Variants in CCSER1 observed in about 807,000 individuals in gnomAD.
CCSER1 encodes coiled-coil serine rich protein 1.
CCSER1 carries 41 observed loss-of-function variants against 82.0 expected under a neutral mutation model. The observed-to-expected ratio is 0.50, with a 90% confidence interval of 0.39 to 0.65. The LOEUF is 0.65. CCSER1 is among the 30% of genes least tolerant of loss of function. The probability of loss-of-function intolerance (pLI) is 0.00; values close to 1 mark genes in which losing one functional copy is unlikely to be tolerated. For missense variants in CCSER1, 1,119 were observed against 1,064.2 expected, an observed-to-expected ratio of 1.05 and a Z score of -0.72; for synonymous variants, 414 against 383.9, an observed-to-expected ratio of 1.08 and a Z score of -0.92.
chr4:90,998,155 A>G (rs1254851129), intron 9 of CCSER1, among the ~76,000 whole-genome samples: 1 of 151,934 alleles, frequency 6.6e-6, no homozygotes, highest in Non-Finnish European at 1.5e-5. Flanking sequence ...ATCTTGGCTC[A>G]CCGCAACCTC....
In CCSER1 at chr4:90,720,101, G is replaced by A. The variant is rs150248879; in HGVS notation, c.1933-3813G>A. The stretch of plus-strand genomic sequence containing the variant: ...ATTGTTCCAGCTTTGGCATTTGGGA[G>A]TTCTTTCGTGTTGAGTTCTTTGTTC... On this transcript the variant is annotated intron_variant, in intron 6 of 10. Coordinates refer to ENST00000509176, the MANE Select transcript of CCSER1 (RefSeq NM_001145065.2). Among the ~76,000 whole-genome samples, 980 of 152,178 alleles carry A rather than the reference G, an allele frequency of 6.4e-3. 13 individuals carry two copies. The highest frequency in any genetic ancestry group is 0.023 in the African/African-American group (940 of 41,516).
chr4:90,312,806 T>G, intron 2 of CCSER1, 57 bp from the exon 3 acceptor site: 1 of 1,312,576 alleles, frequency 7.6e-7, no homozygotes, highest in Non-Finnish European at 1.1e-6. Context: ...AGTGGGACAT[T>G]TGTAAAAACT....
At chr4:91,488,537 G>A (rs967102568) in intron 10 of CCSER1, among the ~76,000 whole-genome samples, 8 of 152,162 alleles carry the variant, frequency 5.3e-5, no homozygotes, top group Admixed American at 5.2e-4. Context: ...GATCATGAGA[G>A]CAGATTTCCC....
Position 91,165,388 on chromosome 4 carries a change from G to A in CCSER1, c.2217+79394G>A, listed in dbSNP as rs923327741. Among the ~76,000 whole-genome samples the A allele has an allele frequency of 2.6e-5, 4 of 152,044 alleles. No homozygotes were observed. In the East Asian group the frequency reaches 7.7e-4, roughly 29 times the overall value. ...GTTGGCCCCTACTGGGAAGTGTCAGGGACCCACTTGAGGAGTCAGTCTGTC... is the reference window on the plus strand; with the variant it reads ...GTTGGCCCCTACTGGGAAGTGTCAGAGACCCACTTGAGGAGTCAGTCTGTC... On this transcript the variant is annotated intron_variant, in intron 10 of 10. Transcript: ENST00000509176.
chr4:91,456,501 A>G (rs1756181825), intron 10 of CCSER1, among the ~76,000 whole-genome samples: 1 of 152,106 alleles, frequency 6.6e-6, no homozygotes, highest in African/African-American at 2.4e-5. Flanking sequence ...AATGCTTGTT[A>G]TGCACTTTCT....
chr4:90,487,665 G>T (rs1055140230), intron 5 of CCSER1, among the ~76,000 whole-genome samples: 2 of 152,148 alleles, frequency 1.3e-5, no homozygotes, highest in African/African-American at 4.8e-5. Flanking sequence ...TTGTTTGTTT[G>T]ACACGAAGTC....
intron 7 of CCSER1, among the ~76,000 whole-genome samples, chr4:90,778,828 T>C (rs906779197): frequency 2.0e-5 from 3 of 152,168 alleles, no homozygotes; most frequent in Non-Finnish European, 4.4e-5. Context: ...ATTGAATTAA[T>C]TTACTATGAT....
chr4:90,490,634 G>C (rs747381868), intron 5 of CCSER1, among the ~76,000 whole-genome samples: 3 of 151,950 alleles, frequency 2.0e-5, no homozygotes, highest in African/African-American at 2.4e-5. Context: ...AGGTTTTCTT[G>C]TAGGGATTTT....
chr4:91,361,392 T>C (rs1749231778), intron 10 of CCSER1, among the ~76,000 whole-genome samples: 1 of 151,814 alleles, frequency 6.6e-6, no homozygotes, highest in Admixed American at 6.6e-5. Context: ...TGGAAGCTTT[T>C]AAATTTAGTT....
chr4:91,088,441 G>A (rs1162411376), intron 10 of CCSER1, among the ~76,000 whole-genome samples: 2 of 152,002 alleles, frequency 1.3e-5, no homozygotes, highest in Non-Finnish European at 2.9e-5. Flanking sequence ...ATTAAAAAAC[G>A]AATTGCCAGA....
At chr4:90,384,248 G>A (rs1028059908) in intron 3 of CCSER1, among the ~76,000 whole-genome samples, 3 of 150,800 alleles carry the variant, frequency 2.0e-5, no homozygotes, top group South Asian at 4.2e-4. Context: ...CCATTAACTC[G>A]TCATTTACAT....
In CCSER1 at chr4:91,255,770, A is replaced by C. The variant is rs1581851701; in HGVS notation, c.2217+169776A>C. Reference sequence around the variant, plus strand: ...TGTGAAGATTTCATGGACATTTATCACTTCCCCAATCAATACTCTTATATT... The same window carrying C: ...TGTGAAGATTTCATGGACATTTATCCCTTCCCCAATCAATACTCTTATATT... On this transcript the variant is annotated intron_variant, in intron 10 of 10. Coordinates refer to ENST00000509176, the MANE Select transcript of CCSER1 (RefSeq NM_001145065.2). Among the ~76,000 whole-genome samples the C allele has an allele frequency of 2.0e-5, 3 of 152,294 alleles. No homozygotes were observed. The South Asian group carries it at 6.2e-4, about 32-fold the overall frequency.
chr4:91,438,721 G>GT (rs138445297), intron 10 of CCSER1, among the ~76,000 whole-genome samples: 4 of 48,288 alleles, frequency 8.3e-5, no homozygotes, highest in African/African-American at 4.3e-4. Flanking sequence ...AGACAAAGAA[G>GT]TAAAACTTTC....
chr4:91,138,127 A>C (rs1396053174), intron 10 of CCSER1, among the ~76,000 whole-genome samples: 1 of 31,742 alleles, frequency 3.2e-5, no homozygotes, highest in South Asian at 9.1e-4. Context: ...CGCATCGCCA[A>C]GTCAATCCTA....
At chr4:91,571,338 T>TA (rs1022001149) in intron 10 of CCSER1, among the ~76,000 whole-genome samples, 15 of 152,238 alleles carry the variant, frequency 9.9e-5, no homozygotes, top group Non-Finnish European at 1.8e-4. Flanking sequence ...TTGGTATCGT[T>TA]ATAGCAGCAC....
At chr4:90,340,767 A>T in intron 3 of CCSER1, among the ~76,000 whole-genome samples, 1 of 152,102 alleles carries the variant, frequency 6.6e-6, no homozygotes, top group East Asian at 1.9e-4. Flanking sequence ...GCTAATTTCA[A>T]TCAAAGTACA....
At chr4:90,966,398 A>G (rs1380945854) in intron 9 of CCSER1, among the ~76,000 whole-genome samples, 1 of 152,104 alleles carries the variant, frequency 6.6e-6, no homozygotes, top group Non-Finnish European at 1.5e-5. Context: ...AAGATGGCTG[A>G]CTTCTTATCA....
At chr4:91,376,717 A>G (rs1168418324) in intron 10 of CCSER1, among the ~76,000 whole-genome samples, 2 of 152,196 alleles carry the variant, frequency 1.3e-5, no homozygotes, top group African/African-American at 4.8e-5. Context: ...GTTGTGAAGA[A>G]AAAGGCACTA....
chr4:91,466,041 C>T (rs1395116423), intron 10 of CCSER1, among the ~76,000 whole-genome samples: 2 of 151,962 alleles, frequency 1.3e-5, no homozygotes, highest in Non-Finnish European at 2.9e-5. Flanking sequence ...CCTGGCAGAG[C>T]CACAGCAAAA....
Sources: gnomAD v4.1 joint callset for allele counts (sites outside exome capture counted in the v4.1 genomes callset) on GRCh38, gnomAD v4.1.1 for gene constraint, MANE v1.5 for transcripts, NCBI Gene and HGNC (gene_info 2026-07-23, HGNC 2026-07-21) for gene names.